The following ARID5B variants were observed in gnomAD, a reference collection of about 807,000 sequenced individuals.
ARID5B encodes AT-rich interactive domain-containing protein 5B.
A neutral mutation model predicts 97.2 loss-of-function variants in ARID5B; 13 were observed. That is an observed-to-expected ratio of 0.13 (90% confidence interval 0.09 to 0.21). The LOEUF (loss-of-function observed/expected upper bound fraction) is 0.21, where lower values mean the gene tolerates loss of function less well. Among genes scored for constraint, ARID5B ranks in the 10% least tolerant of loss-of-function variants. The pLI, the probability that ARID5B is intolerant of heterozygous loss-of-function variation, is 1.00. For missense variants in ARID5B, 1,210 were observed against 1,465.3 expected, an observed-to-expected ratio of 0.83 and a Z score of 2.84; for synonymous variants, 556 against 570.3, an observed-to-expected ratio of 0.97 and a Z score of 0.36.
At chr10:61,911,561 T>G (rs537164088) in intron 2 of ARID5B, among the ~76,000 whole-genome samples, 16 of 152,350 alleles carry the variant, frequency 1.1e-4, no homozygotes, top group African/African-American at 3.8e-4. Flanking sequence ...TTTTCTGGCC[T>G]TTTCAATCTT....
Position 62,096,466 on chromosome 10 carries a change from T to C in ARID5B, c.*3436T>C, listed in dbSNP as rs1301776416. 1 of 233,432 alleles carries C rather than the reference T, an allele frequency of 4.3e-6. No individual in the cohort carries two copies. Among genetic ancestry groups the C allele is most frequent in the African/African-American group, 2.2e-5 (1 of 45,382 alleles). The allele number at this position is 233,432 out of a possible 1,614,324, so 14.5% of individuals were successfully genotyped here. A position where few individuals can be genotyped will look rare whatever the true frequency, so the allele number is the denominator to read the frequency against. On this transcript the variant is annotated 3_prime_UTR_variant, in exon 10 of 10. Coordinates refer to ENST00000279873, the MANE Select transcript of ARID5B (RefSeq NM_032199.3). The stretch of plus-strand genomic sequence containing the variant: ...AATGAGTTTGCCCTGGTGAGACCCA[T>C]ACCATTGCAATGATTATCTTGAGCA...
chr10:61,983,742 T>C (rs1034417009), intron 3 of ARID5B, among the ~76,000 whole-genome samples: 20 of 149,830 alleles, frequency 1.3e-4, no homozygotes, highest in Admixed American at 1.2e-3. Flanking sequence ...GCAAGCCAAG[T>C]GCCAGAAAAA....
At chr10:61,922,944 G>C (rs756050961) in intron 2 of ARID5B, among the ~76,000 whole-genome samples, 2 of 152,138 alleles carry the variant, frequency 1.3e-5, no homozygotes, top group Non-Finnish European at 2.9e-5. Flanking sequence ...TTGAGAAAAA[G>C]GTAGTATTAA....
intron 4 of ARID5B, among the ~76,000 whole-genome samples, chr10:62,012,081 C>T (rs145885462): frequency 4.1e-4 from 63 of 152,100 alleles, no homozygotes; most frequent in Non-Finnish European, 8.2e-4. Flanking sequence ...ATTTCTATTA[C>T]GAAAAGTACA....
chr10:62,011,830 G>A (rs922640656), intron 4 of ARID5B, among the ~76,000 whole-genome samples: 2 of 152,110 alleles, frequency 1.3e-5, no homozygotes, highest in African/African-American at 2.4e-5. Flanking sequence ...AGTGAGACTC[G>A]GGCACCAGCT....
rs1839055002 is a variant in ARID5B at position 62,000,025 on chromosome 10, A to G, written c.503-66A>G. The stretch of plus-strand genomic sequence containing the variant: ...AACCAGAAGTGATTATTGAAATTAT[A>G]CCATGGCCATGAAAGTTCTTTGTCA... On this transcript the variant is annotated intron_variant, in intron 3 of 9. Coordinates refer to ENST00000279873, the MANE Select transcript of ARID5B (RefSeq NM_032199.3). The surrounding 1 kb of genome is among the most constrained non-coding windows in gnomAD (Gnocchi z 4.4). The G allele has an allele frequency of 3.1e-5, 46 of 1,460,742 alleles. 1 individual carries two copies. In the South Asian group the frequency reaches 5.0e-4, roughly 16 times the overall value. 90.5% of individuals were successfully genotyped at this position (1,460,742 alleles called of 1,614,324 possible). A position where few individuals can be genotyped will look rare whatever the true frequency, so the allele number is the denominator to read the frequency against.
intron 2 of ARID5B, among the ~76,000 whole-genome samples, chr10:61,917,450 C>T (rs1049052615): frequency 3.3e-5 from 5 of 152,098 alleles, no homozygotes; most frequent in African/African-American, 7.2e-5. Context: ...ACGTCAGCCC[C>T]GCTGAGTAGC....
At chr10:62,064,740 CAATT>C (rs1249924537) in intron 7 of ARID5B, among the ~76,000 whole-genome samples, 1 of 121,556 alleles carries the variant, frequency 8.2e-6, no homozygotes, top group Non-Finnish European at 2.1e-5. Context: ...GTTCTAAAGA[CAATT>C]TATTTTTTTT....
At chr10:61,994,603 T>C (rs925689855) in intron 3 of ARID5B, among the ~76,000 whole-genome samples, 6 of 152,078 alleles carry the variant, frequency 3.9e-5, no homozygotes, top group Non-Finnish European at 7.4e-5. Flanking sequence ...TCTTACCCTT[T>C]CTCCCCGACT....
intron 3 of ARID5B, among the ~76,000 whole-genome samples, chr10:61,949,260 G>A (rs1392255941): frequency 5.3e-5 from 8 of 152,134 alleles, no homozygotes; most frequent in African/African-American, 1.9e-4. Flanking sequence ...TTGTTCTCTT[G>A]GACTTAAGCT....
At chr10:62,089,071 C>T (rs897507926) in intron 9 of ARID5B, among the ~76,000 whole-genome samples, 11 of 152,222 alleles carry the variant, frequency 7.2e-5, no homozygotes, top group Non-Finnish European at 1.3e-4. Context: ...GAGTATCCCT[C>T]ATTGCCCTGC....
intron 3 of ARID5B, among the ~76,000 whole-genome samples, chr10:61,996,839 T>TG (rs368492697): frequency 1.3e-5 from 2 of 151,122 alleles, no homozygotes; most frequent in African/African-American, 4.9e-5. Context: ...TTCTATGTAC[T>TG]GGGGGGTTAG....
At chr10:61,949,879 C>T (rs1280627257) in intron 3 of ARID5B, among the ~76,000 whole-genome samples, 1 of 152,192 alleles carries the variant, frequency 6.6e-6, no homozygotes, top group Admixed American at 6.5e-5. Flanking sequence ...CTTATGCGGC[C>T]TTGGCTTCAT....
intron 4 of ARID5B, among the ~76,000 whole-genome samples, chr10:62,034,317 C>T (rs1261294747): frequency 1.3e-5 from 2 of 152,170 alleles, no homozygotes; most frequent in African/African-American, 4.8e-5. Flanking sequence ...ATTTTCTTCT[C>T]AATTGTCTGC....
At position 62,050,974 on chromosome 10, in the gene ARID5B, A is replaced by G. The variant is rs1839780913; in HGVS notation, c.820A>G (p.Asn274Asp). 6.2e-7 allele frequency: 1 copy of G among 1,614,154 alleles called. No homozygotes were observed. Among genetic ancestry groups the G allele is most frequent in the Non-Finnish European group, 8.5e-7 (1 of 1,179,972 alleles). ...CAGTGGTGTTAAGGATTCCAACAAC[A>G]ATTCCGATGGCAAAGCCGTTGCCAA... ...SFSGVKDSNN[N>D]SDGKAVAKVK... Residue 274 changes from asparagine to aspartate, a missense_variant, in exon 5 of 10, where the codon AAT (asparagine) becomes GAT (aspartate). Physicochemically the swap from Asn to Asp is conservative, Grantham distance 23. Transcript: ENST00000279873.
intron 4 of ARID5B, among the ~76,000 whole-genome samples, chr10:62,033,002 C>T (rs757012808): frequency 6.6e-6 from 1 of 152,166 alleles, no homozygotes; most frequent in Non-Finnish European, 1.5e-5. Flanking sequence ...GCCCAACCTT[C>T]CTGAAAGATA....
At chr10:62,005,286 C>A (rs531458942) in intron 4 of ARID5B, among the ~76,000 whole-genome samples, 1 of 152,208 alleles carries the variant, frequency 6.6e-6, no homozygotes, top group South Asian at 2.1e-4. Context: ...TGCCTCTGGG[C>A]AAGTGACATA....
chr10:62,034,499 T>A (rs1839537026), intron 4 of ARID5B, among the ~76,000 whole-genome samples: 1 of 152,248 alleles, frequency 6.6e-6, no homozygotes, highest in African/African-American at 2.4e-5. Flanking sequence ...ACTCAGGAGC[T>A]ATGCGCTTAT....
chr10:62,032,683 C>T (rs1198256976), intron 4 of ARID5B, among the ~76,000 whole-genome samples: 2 of 151,960 alleles, frequency 1.3e-5, no homozygotes, highest in Admixed American at 1.3e-4. Context: ...CCACTGCACT[C>T]CAGCCTGGGT....
Sources: gnomAD v4.1 joint callset for allele counts (sites outside exome capture counted in the v4.1 genomes callset) on GRCh38, gnomAD v4.1.1 for gene constraint, Gnocchi (gnomAD v3.1) non-coding constraint, MANE v1.5 for transcripts, NCBI Gene and HGNC (gene_info 2026-07-23, HGNC 2026-07-21) for gene names.